Variants in PRKAR2B observed in about 807,000 individuals in gnomAD.
PRKAR2B encodes protein kinase cAMP-dependent type II regulatory subunit beta, also known as cAMP-dependent protein kinase type II-beta regulatory subunit.
PRKAR2B carries 14 observed loss-of-function variants against 49.9 expected under a neutral mutation model. That is an observed-to-expected ratio of 0.28 (90% CI 0.19 to 0.44). PRKAR2B has a LOEUF of 0.44. Ranked by LOEUF, PRKAR2B falls within the 20% of genes least tolerant of loss-of-function variation. The pLI, the probability that PRKAR2B is intolerant of heterozygous loss-of-function variation, is 1.00. For missense variants in PRKAR2B, 393 were observed against 537.9 expected, an observed-to-expected ratio of 0.73 and a Z score of 2.67; for synonymous variants, 196 against 197.7, an observed-to-expected ratio of 0.99 and a Z score of 0.07.
chr7:107,153,481 A>G (rs1347650888), intron 8 of PRKAR2B, among the ~76,000 whole-genome samples: 1 of 152,222 alleles, frequency 6.6e-6, no homozygotes, highest in African/African-American at 2.4e-5. Flanking sequence ...TAAACCATCA[A>G]ATGGTTTTCT....
chr7:107,067,617 T>G (rs1460404701), intron 1 of PRKAR2B, among the ~76,000 whole-genome samples: 1 of 152,228 alleles, frequency 6.6e-6, no homozygotes, highest in Non-Finnish European at 1.5e-5. Flanking sequence ...TGTTTCAGCA[T>G]GTACTCAAGA....
rs1793652279 is a variant in PRKAR2B at position 107,044,723 on chromosome 7, A to C, written c.-185A>C. ...CCGCGCTCGCTCAGCCGCCGCCACC[A>C]CACGGAGCAGACGCGCGCCGGGAGC... is the stretch of plus-strand genomic sequence containing the variant. On this transcript the variant is annotated 5_prime_UTR_variant, in exon 1 of 11. Transcript: ENST00000265717. 5.1e-6 allele frequency: 1 copy of C among 194,428 alleles called. No individual in the cohort carries two copies. Among genetic ancestry groups the C allele is most frequent in the Admixed American group, 6.3e-5 (1 of 15,812 alleles). 12.0% of individuals were successfully genotyped at this position (194,428 alleles called of 1,614,324 possible).
intron 2 of PRKAR2B, among the ~76,000 whole-genome samples, chr7:107,080,207 A>T (rs1794489726): frequency 6.6e-6 from 1 of 152,188 alleles, no homozygotes. Context: ...AGTGGTCCAG[A>T]TGCCAGTGTG....
intron 5 of PRKAR2B, among the ~76,000 whole-genome samples, chr7:107,143,645 G>GT (rs774532764): frequency 7.0e-4 from 107 of 152,320 alleles, no homozygotes; most frequent in Non-Finnish European, 1.4e-3. Flanking sequence ...TAAATTCAGA[G>GT]TCAGGAATGA....
At chr7:107,099,844 C>T (rs1794924458) in intron 2 of PRKAR2B, among the ~76,000 whole-genome samples, 1 of 152,042 alleles carries the variant, frequency 6.6e-6, no homozygotes, top group Admixed American at 6.5e-5. Context: ...CCATGTTAGC[C>T]AGGATGGTCT....
At chr7:107,128,012 G>A (rs934340824) in intron 3 of PRKAR2B, among the ~76,000 whole-genome samples, 200 bp from the exon 4 acceptor site, 3 of 152,190 alleles carry the variant, frequency 2.0e-5, no homozygotes, top group Admixed American at 2.0e-4. Flanking sequence ...CCCCGAACAA[G>A]GTGAATTATG....
chr7:107,065,655 A>G (rs1469840675), intron 1 of PRKAR2B, among the ~76,000 whole-genome samples: 2 of 152,170 alleles, frequency 1.3e-5, no homozygotes, highest in African/African-American at 2.4e-5. Context: ...TTACAATTCC[A>G]GTGCCCAGCA....
chr7:107,107,324 G>A (rs145546717), intron 2 of PRKAR2B, among the ~76,000 whole-genome samples: 6,918 of 151,698 alleles, frequency 0.046, 201 homozygotes, highest in African/African-American at 0.064. Context: ...GCGACAGAGT[G>A]AGACTCCATC....
At chr7:107,098,455 CA>C (rs1409591086) in intron 2 of PRKAR2B, among the ~76,000 whole-genome samples, 1 of 152,196 alleles carries the variant, frequency 6.6e-6, no homozygotes, top group African/African-American at 2.4e-5. Context: ...TGGGTTCGAA[CA>C]TCCTCCTTTA....
chr7:107,055,891 A>G (rs1330491952), intron 1 of PRKAR2B, among the ~76,000 whole-genome samples: 2 of 152,182 alleles, frequency 1.3e-5, no homozygotes, highest in Non-Finnish European at 2.9e-5. Flanking sequence ...GTCCTTGCCC[A>G]TGCCTATGTC....
At chr7:107,077,174 A>G (rs1794414831) in intron 2 of PRKAR2B, 1 of 152,208 alleles carries the variant, frequency 6.6e-6, no homozygotes, top group Non-Finnish European at 1.5e-5. Flanking sequence ...ATTTTTAATA[A>G]GCCTGTTAAT....
At position 107,044,985 on chromosome 7, in the gene PRKAR2B, G is replaced by T. The variant is rs768294129; in HGVS notation, c.78G>T (p.Ala26=). Residue 26 remains alanine, a synonymous_variant, in exon 1 of 11, where the codon GCG becomes GCT. Transcript: ENST00000265717. ...TGGAGGTGCTGAGGCACCAGCCCGC[G>T]GACCTGCTGGAGTTCGCGCTGCAGC... ...FTVEVLRHQP[A]DLLEFALQHF... The T allele has an allele frequency of 4.5e-6, 7 of 1,568,894 alleles. No homozygotes were observed. Among genetic ancestry groups the T allele is most frequent in the Non-Finnish European group, 6.0e-6 (7 of 1,159,924 alleles).
At chr7:107,155,175 T>C (rs1796058954) in intron 8 of PRKAR2B, among the ~76,000 whole-genome samples, 1 of 152,220 alleles carries the variant, frequency 6.6e-6, no homozygotes, top group East Asian at 1.9e-4. Flanking sequence ...TATGCTGTTA[T>C]CTAGGCTGAA....
chr7:107,103,374 G>C (rs1795011640), intron 2 of PRKAR2B, among the ~76,000 whole-genome samples: 1 of 152,144 alleles, frequency 6.6e-6, no homozygotes, highest in South Asian at 2.1e-4. Flanking sequence ...CTTTGATGTA[G>C]GCAAACCCCA....
At chr7:107,135,367 C>T (rs939517557) in intron 4 of PRKAR2B, among the ~76,000 whole-genome samples, 3 of 152,128 alleles carry the variant, frequency 2.0e-5, no homozygotes, top group African/African-American at 7.2e-5. Flanking sequence ...TCCTTTTCAA[C>T]ATAGTGCTGA....
intron 3 of PRKAR2B, 148 bp from the exon 4 acceptor site, chr7:107,128,064 G>C: frequency 1.6e-6 from 1 of 607,388 alleles, no homozygotes; most frequent in Non-Finnish European, 2.9e-6. Context: ...GTCACCAAAA[G>C]TGAATCTCAG....
At chr7:107,067,780 T>G (rs985993637) in intron 1 of PRKAR2B, among the ~76,000 whole-genome samples, 4 of 152,232 alleles carry the variant, frequency 2.6e-5, no homozygotes, top group African/African-American at 9.6e-5. Context: ...GATGAACATC[T>G]ATTAGTAAAA....
chr7:107,103,922 T>G (rs148307052), intron 2 of PRKAR2B, among the ~76,000 whole-genome samples: 8 of 152,362 alleles, frequency 5.3e-5, no homozygotes, highest in African/African-American at 1.9e-4. Context: ...TAAAGGCTCC[T>G]GATTATTCCC....
At chr7:107,133,602 A>G (rs539335808) in intron 4 of PRKAR2B, 1 of 152,270 alleles carries the variant, frequency 6.6e-6, no homozygotes, top group South Asian at 2.1e-4. Context: ...TTTCACTGCT[A>G]CCTTGGCTTC....
Sources: gnomAD v4.1 joint callset for allele counts (sites outside exome capture counted in the v4.1 genomes callset) on GRCh38, gnomAD v4.1.1 for gene constraint, MANE v1.5 for transcripts, NCBI Gene and HGNC (gene_info 2026-07-23, HGNC 2026-07-21) for gene names.